ZNF469: variants seen among roughly 807,000 people sequenced by gnomAD.
ZNF469 encodes the protein zinc finger protein 469.
In ZNF469, 1 loss-of-function variant was observed where a neutral mutation model predicts 1.0. The ratio of observed to expected loss-of-function variants is 1.00; its 90% CI spans 0.35 to 4.73. ZNF469 has a LOEUF of 4.73. Among genes scored for constraint, ZNF469 ranks in the 30% most tolerant of loss-of-function variants. The pLI is 0.16. For missense variants in ZNF469, 6,100 were observed against 5,356.3 expected (o/e 1.14, Z -4.33); for synonymous variants, 2,703 against 2,363.4 (o/e 1.14, Z -4.17).
chr16:88,372,879 C>T, the ZNF469 span, among the ~76,000 whole-genome samples: 3 of 152,066 alleles, frequency 2.0e-5, no homozygotes, highest in South Asian at 6.2e-4. Flanking sequence ...ACCATCTTCA[C>T]CATCATCACC....
chr16:88,312,636 T>C, the ZNF469 span, among the ~76,000 whole-genome samples: 1 of 152,252 alleles, frequency 6.6e-6, no homozygotes, highest in Non-Finnish European at 1.5e-5. Flanking sequence ...TAGAAACATC[T>C]TTCATGATTT....
chr16:88,334,632 A>G, the ZNF469 span, among the ~76,000 whole-genome samples: 9 of 152,224 alleles, frequency 5.9e-5, no homozygotes, highest in African/African-American at 2.2e-4. Flanking sequence ...CCTGGAGCCG[A>G]TGACTGTGGC....
upstream of ZNF469, among the ~76,000 whole-genome samples, chr16:88,379,846 G>T (rs958223867): frequency 6.6e-6 from 1 of 152,138 alleles, no homozygotes; most frequent in African/African-American, 2.4e-5. Flanking sequence ...CTGTGAAAGG[G>T]AAGAGGCAGT....
intron 1 of ZNF469, among the ~76,000 whole-genome samples, chr16:88,415,964 A>G (rs2142286821): frequency 6.6e-6 from 1 of 152,312 alleles, no homozygotes; most frequent in African/African-American, 2.4e-5. Flanking sequence ...CAGAGTGCGG[A>G]CACCCCATCC....
the ZNF469 span, among the ~76,000 whole-genome samples, chr16:88,269,715 A>T: frequency 6.6e-6 from 1 of 152,046 alleles, no homozygotes; most frequent in South Asian, 2.1e-4. Context: ...CTGCTGACCA[A>T]TCCCCCCAGC....
chr16:88,235,941 G>A, the ZNF469 span, among the ~76,000 whole-genome samples: 94 of 152,338 alleles, frequency 6.2e-4, no homozygotes, highest in Non-Finnish European at 1.1e-3. Context: ...ACTTCAAGGT[G>A]AGGAGGGGCT....
Position 88,432,408 on chromosome 16 carries a change from C to T in ZNF469, c.4938C>T (p.Thr1646=), listed in dbSNP as rs968718787. Reference sequence around the variant, plus strand: ...AGGGTGCGGAATCGGCTGTGGCCACCGTGGAAGCGGTTCAGGGGAGGCCTG... The same window carrying T: ...AGGGTGCGGAATCGGCTGTGGCCACTGTGGAAGCGGTTCAGGGGAGGCCTG... ...HREGAESAVA[T]VEAVQGRPGG... Residue 1646 remains threonine (T), a synonymous_variant, in exon 3 of 3, where the codon ACC becomes ACT. Transcript: ENST00000565624. The T allele has an allele frequency of 2.6e-6, 4 of 1,549,764 alleles. No individual in the cohort carries two copies. Among genetic ancestry groups the T allele is most frequent in the African/African-American group, 2.7e-5 (2 of 73,064 alleles).
the ZNF469 span, among the ~76,000 whole-genome samples, chr16:88,102,277 G>A: frequency 6.6e-6 from 1 of 152,224 alleles, no homozygotes; most frequent in Non-Finnish European, 1.5e-5. Flanking sequence ...AGCACTTTGG[G>A]AGGCCAAGGC....
intron 1 of ZNF469, among the ~76,000 whole-genome samples, chr16:88,417,639 C>T (rs867474941): frequency 1.3e-5 from 2 of 152,184 alleles, no homozygotes; most frequent in African/African-American, 2.4e-5. Flanking sequence ...GGAGAAGGAC[C>T]CTCAGACAAA....
chr16:88,436,381 G>A lies in ZNF469; in HGVS notation c.8911G>A (p.Ala2971Thr), dbSNP rs1410745652. The change falls in exon 3 of 3, where the codon GCA becomes ACA. Residue 2971 changes from alanine (A) to threonine (T), a missense_variant. By Grantham distance (58) the Ala-to-Thr change is moderately conservative. Transcript: ENST00000565624. The stretch of plus-strand genomic sequence containing the variant: ...CCTGGAGCCCAGCAGGGAAGCTGGT[G>A]CAGAGAAGCTGCCCTCCCACTGCCC... ...WALEPSREAGAEKLPSHCPED... is the reference protein window; with the variant it reads ...WALEPSREAGTEKLPSHCPED... 2.6e-6 allele frequency: 4 copies of A among 1,549,976 alleles called. No homozygotes were observed. The highest frequency in any genetic ancestry group is 1.4e-5 in the African/African-American group (1 of 73,064).
At position 88,438,782 on chromosome 16, in the gene ZNF469, C is replaced by A; in HGVS notation, c.11312C>A (p.Pro3771His). 6.5e-7 allele frequency: 1 copy of A among 1,550,246 alleles called. No individual in the cohort carries two copies. The highest frequency in any genetic ancestry group is 1.2e-5 in the South Asian group (1 of 84,050). The change falls in exon 3 of 3, where the codon CCC (proline) becomes CAC (histidine). Residue 3771 changes from proline (P) to histidine (H), a missense_variant. By Grantham distance (77) the Pro-to-His change is moderately conservative. Coordinates refer to ENST00000565624, the MANE Select transcript of ZNF469 (RefSeq NM_001367624.2). The part of the protein sequence containing the change: ...TATTPAKPSF[P>H]SRSPAPERLP... ...ACCACCCCAGCCAAGCCCAGCTTCC[C>A]CAGCCGGAGCCCTGCACCAGAGAGG...
chr16:88,333,333 G>A, the ZNF469 span, among the ~76,000 whole-genome samples: 2 of 134,146 alleles, frequency 1.5e-5, no homozygotes, highest in South Asian at 5.6e-4. Flanking sequence ...GCTGAGTCAC[G>A]GAAGAGGGGC....
Position 88,430,783 on chromosome 16 carries a change from C to G in ZNF469, c.3313C>G (p.Pro1105Ala), listed in dbSNP as rs1294468808. Residue 1105 changes from proline (P) to alanine (A), a missense_variant, in exon 3 of 3, where the codon CCG becomes GCG. Coordinates refer to ENST00000565624, the MANE Select transcript of ZNF469 (RefSeq NM_001367624.2). Reference sequence around the variant, plus strand: ...GGAGTCCGAGGAGGACGAGCAGCCTCCGCCGCGGGGCCCCGGCTTCAGAGG... The same window carrying G: ...GGAGTCCGAGGAGGACGAGCAGCCTGCGCCGCGGGGCCCCGGCTTCAGAGG... ...ASESEEDEQPPPRGPGFRGRR... is the reference protein window; with the variant it reads ...ASESEEDEQPAPRGPGFRGRR... The G allele has an allele frequency of 6.6e-7, 1 of 1,526,602 alleles. No individual in the cohort carries two copies. Among genetic ancestry groups the G allele is most frequent in the Non-Finnish European group, 8.7e-7 (1 of 1,143,344 alleles). 94.6% of individuals were successfully genotyped at this position (1,526,602 alleles called of 1,614,324 possible).
intron 1 of ZNF469, among the ~76,000 whole-genome samples, chr16:88,401,971 G>GGC (rs1904891959): frequency 7.1e-6 from 1 of 140,068 alleles, no homozygotes; most frequent in South Asian, 2.3e-4. Context: ...TGGGTGGATG[G>GGC]ATAGATACGT....
At chr16:88,378,236 C>T (rs539327216), upstream of ZNF469, among the ~76,000 whole-genome samples, 18 of 152,194 alleles carry the variant, frequency 1.2e-4, no homozygotes, top group Admixed American at 2.0e-4. Context: ...GCACACACGG[C>T]GGGCAGGGAG....
At chr16:88,295,591 T>C in the ZNF469 span, among the ~76,000 whole-genome samples, 4 of 152,142 alleles carry the variant, frequency 2.6e-5, no homozygotes, top group African/African-American at 9.7e-5. Flanking sequence ...GGGTTTTGAT[T>C]AGAGGGCTAT....
At chr16:88,375,205 C>T in the ZNF469 span, among the ~76,000 whole-genome samples, 2 of 152,200 alleles carry the variant, frequency 1.3e-5, no homozygotes, top group African/African-American at 4.8e-5. Flanking sequence ...GAAAAGATTC[C>T]AAGAGCAGCC....
chr16:88,412,252 A>G (rs915673710), intron 1 of ZNF469, among the ~76,000 whole-genome samples: 4 of 152,196 alleles, frequency 2.6e-5, no homozygotes, highest in African/African-American at 9.7e-5. Flanking sequence ...CCACTTGGCC[A>G]TGCAGGCCTC....
At position 88,434,130 on chromosome 16, in the gene ZNF469, C is replaced by T. The variant is rs1218595629; in HGVS notation, c.6660C>T (p.Ser2220=). Residue 2220 remains serine, a synonymous_variant, in exon 3 of 3, where the codon AGC becomes AGT. Transcript: ENST00000565624. ...LAGCLLQGEG[S]PLEDPSSWPP... ...GTTGCCTTCTCCAGGGGGAGGGCAGCCCCCTGGAAGACCCTTCCTCCTGGC... is the reference window on the plus strand; with the variant it reads ...GTTGCCTTCTCCAGGGGGAGGGCAGTCCCCTGGAAGACCCTTCCTCCTGGC... The T allele has an allele frequency of 2.6e-6, 4 of 1,550,190 alleles. No homozygotes were observed. Among genetic ancestry groups the T allele is most frequent in the Non-Finnish European group, 3.5e-6 (4 of 1,146,952 alleles).
Sources: allele counts gnomAD v4.1 joint callset (sites outside exome capture counted in the v4.1 genomes callset), GRCh38; gene constraint gnomAD v4.1.1; transcripts MANE v1.5; gene names NCBI Gene and HGNC (gene_info 2026-07-23, HGNC 2026-07-21).